Variants in OPA1 observed in about 807,000 individuals in gnomAD.
The protein encoded by OPA1 is dynamin-like GTPase OPA1, mitochondrial.
In OPA1, 59 loss-of-function variants were observed where a neutral mutation model predicts 152.9. The observed-to-expected ratio is 0.39, with a 90% CI of 0.31 to 0.48. The LOEUF (loss-of-function observed/expected upper bound fraction) is 0.48. Ranked by LOEUF, OPA1 falls within the 20% of genes least tolerant of loss-of-function variation. The pLI, the probability that OPA1 is intolerant of heterozygous loss-of-function variation, is 0.96. For synonymous variants in OPA1, 400 were observed against 389.9 expected (o/e 1.03, Z -0.31); for missense variants, 1,008 against 1,216.8 (o/e 0.83, Z 2.55).
At position 193,630,035 on chromosome 3, in the gene OPA1, A is replaced by G. The variant is rs146053272; in HGVS notation, c.790-1577A>G. On this transcript the variant is annotated intron_variant, in intron 7 of 30. Coordinates refer to ENST00000361510, the MANE Select transcript of OPA1 (RefSeq NM_130837.3). ...CAAATGAATTGGAAATTAAATCCAC[A>G]TAACAATTTTTTATGACCACACTAT... Among the ~76,000 whole-genome samples the G allele has an allele frequency of 2.8e-3, 426 of 152,366 alleles. 1 individual carries two copies. The highest frequency in any genetic ancestry group is 0.017 in the Middle Eastern group (5 of 294).
intron 29 of OPA1, among the ~76,000 whole-genome samples, chr3:193,684,128 G>A (rs1349230908): frequency 6.6e-6 from 1 of 152,136 alleles, no homozygotes; most frequent in African/African-American, 2.4e-5. Flanking sequence ...TGGACACTGA[G>A]TTAGATGATA....
In OPA1 at chr3:193,650,913, A is replaced by G. The variant is rs139855400; in HGVS notation, c.2012+2042A>G. On this transcript the variant is annotated intron_variant, in intron 21 of 30. Transcript: ENST00000361510. ...TTTTTTCTAAAAATGCTACTATGGT[A>G]CATTTTTAGAAATTCTCGGACTTCA... Among the ~76,000 whole-genome samples the G allele has an allele frequency of 4.5e-3, 687 of 152,280 alleles. 4 individuals are homozygous for G. Among genetic ancestry groups the G allele is most frequent in the African/African-American group, 0.016 (659 of 41,544 alleles).
intron 10 of OPA1, 73 bp downstream of exon 10, chr3:193,637,354 G>GTA: frequency 1.1e-6 from 1 of 889,418 alleles, no homozygotes. Flanking sequence ...AAAATTATGT[G>GTA]TATATATGTA....
intron 6 of OPA1, 155 bp from the exon 7 acceptor site, chr3:193,625,937 C>T: frequency 1.5e-6 from 1 of 675,062 alleles, no homozygotes; most frequent in Non-Finnish European, 2.7e-6. Context: ...AAATGCGGTA[C>T]AGAGCCCAAG....
At chr3:193,672,810 A>G in intron 29 of OPA1, among the ~76,000 whole-genome samples, 1 of 150,442 alleles carries the variant, frequency 6.6e-6, no homozygotes, top group East Asian at 2.0e-4. Flanking sequence ...CAGAGGTTGC[A>G]GTGAGCCAAG....
intron 29 of OPA1, among the ~76,000 whole-genome samples, chr3:193,677,702 CTG>C (rs1442818061): frequency 6.6e-6 from 1 of 152,200 alleles, no homozygotes; most frequent in African/African-American, 2.4e-5. Context: ...CATTTCTAAA[CTG>C]TGTCTCCCAC....
chr3:193,691,045 C>A (rs1721604626), intron 29 of OPA1, among the ~76,000 whole-genome samples: 1 of 152,138 alleles, frequency 6.6e-6, no homozygotes, highest in Admixed American at 6.5e-5. Flanking sequence ...GAGATCCTAT[C>A]TCCACAAAAA....
intron 21 of OPA1, among the ~76,000 whole-genome samples, chr3:193,654,582 C>CA (rs1289438672): frequency 1.3e-5 from 2 of 151,056 alleles, no homozygotes; most frequent in South Asian, 4.2e-4. Context: ...AGAACAAAGA[C>CA]AAAAAAAGAG....
intron 21 of OPA1, among the ~76,000 whole-genome samples, chr3:193,650,387 G>C (rs1354094702): frequency 6.6e-6 from 1 of 152,098 alleles, no homozygotes; most frequent in Non-Finnish European, 1.5e-5. Flanking sequence ...CAGAGTAGCA[G>C]GTCCAAGCCT....
At chr3:193,681,526 G>A (rs796416959) in intron 29 of OPA1, among the ~76,000 whole-genome samples, 15 of 152,228 alleles carry the variant, frequency 9.9e-5, no homozygotes, top group African/African-American at 3.6e-4. Context: ...CATGCTCAAG[G>A]GTTCTACGTA....
intron 1 of OPA1, among the ~76,000 whole-genome samples, chr3:193,613,294 A>G (rs1354553722): frequency 6.6e-6 from 1 of 152,186 alleles, no homozygotes; most frequent in Non-Finnish European, 1.5e-5. Flanking sequence ...GTTTGTCCAC[A>G]AGAACACAAA....
chr3:193,653,624 A>G (rs573419190), intron 21 of OPA1, among the ~76,000 whole-genome samples: 1 of 152,302 alleles, frequency 6.6e-6, no homozygotes, highest in East Asian at 1.9e-4. Context: ...ATGATTATGC[A>G]TCTTTTACAT....
chr3:193,626,922 G>C (rs948008667), intron 7 of OPA1, among the ~76,000 whole-genome samples: 9 of 152,120 alleles, frequency 5.9e-5, no homozygotes, highest in African/African-American at 2.2e-4. Context: ...TTAATGGTTA[G>C]GTAATCCCAC....
intron 26 of OPA1, 56 bp downstream of exon 26, chr3:193,663,018 G>A: frequency 6.4e-7 from 1 of 1,570,240 alleles, no homozygotes; most frequent in Non-Finnish European, 8.8e-7. Context: ...GTTTCTTGCA[G>A]TAAATGTTAC....
chr3:193,596,361 CTTAAT>C (rs771560687), intron 1 of OPA1, among the ~76,000 whole-genome samples: 1 of 46,970 alleles, frequency 2.1e-5, no homozygotes, highest in African/African-American at 7.8e-5. Flanking sequence ...CTTTTCTTTT[CTTAAT>C]TTTCTTTTCT....
rs147882909 is a variant in OPA1 at position 193,595,407 on chromosome 3, CAA to C, written c.32+1999_32+2000del. On this transcript the variant is annotated intron_variant, in intron 1 of 30. Transcript: ENST00000361510. The stretch of plus-strand genomic sequence containing the variant: ...TTGATTAAAAGTGATAGTCAATGAA[CAA>C]GAGAGTAGATTTCTGGGGGAAACCT... 2.8e-3 allele frequency among the ~76,000 whole-genome samples: 431 copies of C among 152,228 alleles called. 3 individuals carry two copies. The highest frequency in any genetic ancestry group is 0.017 in the South Asian group (81 of 4,816).
intron 30 of OPA1, 60 bp downstream of exon 30, chr3:193,692,192 A>C (rs1721785497): frequency 1.1e-6 from 1 of 895,668 alleles, no homozygotes; most frequent in Admixed American, 2.0e-5. Context: ...CACTTTTCTT[A>C]ATAGTTTATC....
chr3:193,658,464 G>T (rs771677782), intron 23 of OPA1, among the ~76,000 whole-genome samples: 4 of 152,026 alleles, frequency 2.6e-5, no homozygotes, highest in Non-Finnish European at 4.4e-5. Flanking sequence ...GGGAATAATG[G>T]TTAATAATTT....
intron 29 of OPA1, among the ~76,000 whole-genome samples, chr3:193,669,441 G>A (rs1359132410): frequency 6.6e-6 from 1 of 152,188 alleles, no homozygotes; most frequent in African/African-American, 2.4e-5. Flanking sequence ...AATCTGAATT[G>A]CCATTTACTA....
Sources: gnomAD v4.1 joint callset for allele counts (sites outside exome capture counted in the v4.1 genomes callset) on GRCh38, gnomAD v4.1.1 for gene constraint, MANE v1.5 for transcripts, NCBI Gene and HGNC (gene_info 2026-07-23, HGNC 2026-07-21) for gene names.